Variants in TENM4 observed in about 807,000 individuals in gnomAD.
TENM4 encodes the protein teneurin transmembrane protein 4.
A neutral mutation model predicts 243.3 loss-of-function variants in TENM4; 82 were observed. The observed-to-expected ratio is 0.34, with a 90% CI of 0.28 to 0.40. TENM4 has a LOEUF of 0.40. Ranked by LOEUF, TENM4 falls within the 10% of genes least tolerant of loss-of-function variation. TENM4 has a pLI of 1.00. For missense variants in TENM4, 3,138 were observed against 3,673.3 expected, an observed-to-expected ratio of 0.85 and a Z score of 3.77; for synonymous variants, 1,412 against 1,456.3, an observed-to-expected ratio of 0.97 and a Z score of 0.69.
rs33993080 is a variant in TENM4, at chr11:79,283,213, A to AACACAC, written c.-265+14269_-265+14274dup. ...CAGACAAAGACATCACACACACACA[A>AACACAC]ACACACACACACACACACACACACA... On this transcript the variant is annotated intron_variant, in intron 2 of 33. Coordinates refer to ENST00000278550, the MANE Select transcript of TENM4 (RefSeq NM_001098816.3). Among the ~76,000 whole-genome samples the AACACAC allele has an allele frequency of 3.6e-3, 485 of 136,024 alleles. 1 individual carries two copies. Among genetic ancestry groups the AACACAC allele is most frequent in the Middle Eastern group, 7.3e-3 (2 of 274 alleles). 89.2% of individuals were successfully genotyped at this position (136,024 alleles called of 152,430 possible).
At chr11:79,138,781 T>TATATTTATATAAATACATAAAACATAC (rs1266133516) in intron 4 of TENM4, among the ~76,000 whole-genome samples, 1 of 108,864 alleles carries the variant, frequency 9.2e-6, no homozygotes, top group South Asian at 2.7e-4. Flanking sequence ...AAACATACAT[T>TATATTTATATAAATACATAAAACATAC]ATATTTATAT....
intron 3 of TENM4, among the ~76,000 whole-genome samples, chr11:79,207,862 T>C (rs1863879866): frequency 1.1e-5 from 1 of 87,202 alleles, no homozygotes; most frequent in Non-Finnish European, 2.0e-5. Context: ...CCAGACTCTG[T>C]CTCAAAAAAA....
chr11:79,268,508 TAG>T (rs1223355443), intron 2 of TENM4, among the ~76,000 whole-genome samples: 1 of 152,190 alleles, frequency 6.6e-6, no homozygotes, highest in East Asian at 1.9e-4. Flanking sequence ...TGAAATAAGG[TAG>T]AGTCAGTCCT....
At chr11:79,380,138 T>C (rs1487898202) in intron 1 of TENM4, among the ~76,000 whole-genome samples, 1 of 152,082 alleles carries the variant, frequency 6.6e-6, no homozygotes, top group Admixed American at 6.6e-5. Flanking sequence ...CAATGTCCTT[T>C]TATAAAAGGA....
chr11:78,657,161 C>T lies in TENM4; in HGVS notation c.*897G>A. The T allele has an allele frequency of 2.5e-6, 1 of 398,730 alleles. No individual in the cohort carries two copies. 24.7% of individuals were successfully genotyped at this position (398,730 alleles called of 1,614,324 possible). ...AGGCTTGCTGTGCAGTGCTCGTTCT[C>T]ACATCTGGCTTTGGGAGAAAGGAGG... is the stretch of plus-strand genomic sequence containing the variant. On this transcript the variant is annotated 3_prime_UTR_variant, in exon 34 of 34. Transcript: ENST00000278550.
chr11:78,717,472 A>T (rs1399997789), intron 25 of TENM4, among the ~76,000 whole-genome samples: 1 of 152,258 alleles, frequency 6.6e-6, no homozygotes. Flanking sequence ...TTCAAATACC[A>T]GTTCTACCAT....
At chr11:78,894,858 G>A (rs1855750367) in intron 7 of TENM4, among the ~76,000 whole-genome samples, 1 of 151,648 alleles carries the variant, frequency 6.6e-6, no homozygotes, top group Non-Finnish European at 1.5e-5. Context: ...GCCAGGCATG[G>A]TGCCACGTGC....
At chr11:78,983,901 A>G (rs1157988219) in intron 6 of TENM4, among the ~76,000 whole-genome samples, 1 of 152,232 alleles carries the variant, frequency 6.6e-6, no homozygotes, top group Non-Finnish European at 1.5e-5. Context: ...TCACTAACCC[A>G]AACAGGACTT....
intron 20 of TENM4, among the ~76,000 whole-genome samples, chr11:78,736,471 T>C (rs1409626305): frequency 6.9e-6 from 1 of 144,776 alleles, no homozygotes; most frequent in African/African-American, 2.9e-5. Flanking sequence ...TGTGTGTGTG[T>C]GTGTGTGTGC....
chr11:79,013,855 T>C (rs1239185629), intron 6 of TENM4, among the ~76,000 whole-genome samples: 2 of 152,196 alleles, frequency 1.3e-5, no homozygotes, highest in African/African-American at 2.4e-5. Context: ...GCCCCCGCAG[T>C]GGCCCTCAAG....
intron 12 of TENM4, among the ~76,000 whole-genome samples, chr11:78,826,806 T>C (rs1857862433): frequency 6.6e-6 from 1 of 152,180 alleles, no homozygotes; most frequent in Admixed American, 6.5e-5. Flanking sequence ...TAGAACTTGT[T>C]AAATACAAAA....
At chr11:78,832,328 T>C (rs1858003731) in intron 12 of TENM4, among the ~76,000 whole-genome samples, 1 of 152,258 alleles carries the variant, frequency 6.6e-6, no homozygotes, top group South Asian at 2.1e-4. Context: ...TTGTTGTTTT[T>C]AATGCTGTCA....
chr11:79,412,972 A>G (rs763594320), intron 1 of TENM4, among the ~76,000 whole-genome samples: 1 of 152,198 alleles, frequency 6.6e-6, no homozygotes, highest in Non-Finnish European at 1.5e-5. Context: ...TAACAAAGGC[A>G]AGGGCAGGTG....
chr11:78,757,824 G>C (rs901168509), intron 18 of TENM4, among the ~76,000 whole-genome samples: 3 of 152,156 alleles, frequency 2.0e-5, no homozygotes, highest in African/African-American at 7.2e-5. Flanking sequence ...GGAGGCTGCA[G>C]GGATATTTGT....
rs922766836 is a variant in TENM4, at chr11:78,655,611, T to C, written c.*2447A>G. 1.3e-5 allele frequency: 2 copies of C among 151,848 alleles called. No individual in the cohort carries two copies. Among genetic ancestry groups the C allele is most frequent in the African/African-American group, 2.4e-5 (1 of 41,304 alleles). 9.4% of individuals were successfully genotyped at this position (151,848 alleles called of 1,614,324 possible). On this transcript the variant is annotated 3_prime_UTR_variant, in exon 34 of 34. Transcript: ENST00000278550. ...CCCTATTCCTTTGGGGAGGGGGCTG[T>C]GGAGGAGGGACAGGGCGTGGGGGAA...
intron 26 of TENM4, among the ~76,000 whole-genome samples, chr11:78,710,896 A>G (rs1250883116): frequency 6.6e-6 from 1 of 152,224 alleles, no homozygotes; most frequent in Non-Finnish European, 1.5e-5. Context: ...GAACAACTGA[A>G]AAGCCCTGGA....
chr11:78,688,034 C>T lies in TENM4; in HGVS notation c.5260+20G>A. 1 of 1,612,122 alleles carries T rather than the reference C, an allele frequency of 6.2e-7. No homozygotes were observed. The highest frequency in any genetic ancestry group is 8.5e-7 in the Non-Finnish European group (1 of 1,178,946). On this transcript the variant is annotated intron_variant, in intron 29 of 33. Coordinates refer to ENST00000278550, the MANE Select transcript of TENM4 (RefSeq NM_001098816.3). ...TCCCACCCCTCTGCCTCAAAGTCCC[C>T]TGGCCCCCACCTGACTTACCTTGCA...
chr11:79,149,204 G>C (rs1356193519), intron 3 of TENM4, among the ~76,000 whole-genome samples: 1 of 152,116 alleles, frequency 6.6e-6, no homozygotes, highest in African/African-American at 2.4e-5. Flanking sequence ...AAAGGTACCA[G>C]TGGAGTAAAG....
intron 4 of TENM4, chr11:79,096,854 T>C (rs1433136418): frequency 6.6e-6 from 1 of 152,242 alleles, no homozygotes; most frequent in East Asian, 1.9e-4. Flanking sequence ...ATTTGCTCCA[T>C]TCTCACACAT....
Sources: allele counts gnomAD v4.1 joint callset (sites outside exome capture counted in the v4.1 genomes callset), GRCh38; gene constraint gnomAD v4.1.1; transcripts MANE v1.5; gene names NCBI Gene and HGNC (gene_info 2026-07-23, HGNC 2026-07-21).